CHST3: variants seen among roughly 807,000 people sequenced by gnomAD.
CHST3 encodes the protein C6ST-1.
In CHST3, 20 loss-of-function variants were observed where a neutral mutation model predicts 35.4. The ratio of observed to expected loss-of-function variants is 0.57; its 90% CI spans 0.40 to 0.82. The LOEUF is 0.82. Ranked by LOEUF, CHST3 falls within the 40% of genes least tolerant of loss-of-function variation. CHST3 has a pLI of 0.00. For missense variants in CHST3, 693 were observed against 670.1 expected (o/e 1.03, Z -0.38); for synonymous variants, 334 against 295.9 (o/e 1.13, Z -1.32).
Position 72,005,836 on chromosome 10 carries a change from T to C in CHST3, c.-7T>C. The C allele has an allele frequency of 6.2e-7, 1 of 1,614,186 alleles. No individual in the cohort carries two copies. The highest frequency in any genetic ancestry group is 1.1e-5 in the South Asian group (1 of 91,086). ...CCCGAGGAGCCCCCACGGCCCCACCTTTCCCCATGGAGAAAGGACTCACTT... is the reference window on the plus strand; with the variant it reads ...CCCGAGGAGCCCCCACGGCCCCACCCTTCCCCATGGAGAAAGGACTCACTT... On this transcript the variant is annotated 5_prime_UTR_variant, in exon 2 of 3. Coordinates refer to ENST00000373115, the MANE Select transcript of CHST3 (RefSeq NM_004273.5).
At chr10:71,975,207 A>G (rs1041520749) in intron 1 of CHST3, among the ~76,000 whole-genome samples, 4 of 152,180 alleles carry the variant, frequency 2.6e-5, no homozygotes, top group African/African-American at 7.2e-5. Flanking sequence ...TGTACTAAGC[A>G]TCTTTGAACT....
At chr10:71,974,535 G>T (rs1839726799) in intron 1 of CHST3, among the ~76,000 whole-genome samples, 1 of 152,214 alleles carries the variant, frequency 6.6e-6, no homozygotes, top group South Asian at 2.1e-4. Context: ...TGTGGCAACT[G>T]TGGGTCCCTG....
rs760211272 is a variant in CHST3, at chr10:72,007,230, C to G, written c.199C>G (p.Pro67Ala). 2 of 1,614,218 alleles carry G rather than the reference C, an allele frequency of 1.2e-6. No homozygotes were observed. The highest frequency in any genetic ancestry group is 8.5e-7 in the Non-Finnish European group (1 of 1,180,042). ...QALADANSTDPALILAENASL... is the reference protein window; with the variant it reads ...QALADANSTDAALILAENASL... Reference sequence around the variant, plus strand: ...TCTAGCAGATGCCAACAGCACCGACCCAGCCCTGATCTTAGCTGAGAACGC... The same window carrying G: ...TCTAGCAGATGCCAACAGCACCGACGCAGCCCTGATCTTAGCTGAGAACGC... The change falls in exon 3 of 3, where the codon CCA becomes GCA. Residue 67 changes from proline (P) to alanine (A), a missense_variant. Pro to Ala is a conservative substitution (Grantham distance 27). Transcript: ENST00000373115.
chr10:71,980,878 C>T (rs1839794552), intron 1 of CHST3, among the ~76,000 whole-genome samples: 1 of 152,164 alleles, frequency 6.6e-6, no homozygotes, highest in Non-Finnish European at 1.5e-5. Flanking sequence ...ACACCACCCT[C>T]CTAAAATCCA....
rs147673319 is a variant in CHST3 at position 71,987,505 on chromosome 10, G to A, written c.-107-18231G>A. ...GAGGCGGGCAGATCACTTGAGGTCA[G>A]GAGTTCAAGACCAGCCTGGTCCGCA... On this transcript the variant is annotated intron_variant, in intron 1 of 2. Coordinates refer to ENST00000373115, the MANE Select transcript of CHST3 (RefSeq NM_004273.5). Among the ~76,000 whole-genome samples, 20 of 152,188 alleles carry A rather than the reference G, an allele frequency of 1.3e-4. No individual in the cohort carries two copies. The East Asian group carries it at 3.9e-3, about 29-fold the overall frequency.
chr10:72,008,575 C>T lies in CHST3; in HGVS notation c.*104C>T. Reference sequence around the variant, plus strand: ...GCACAGCGCCATGAGCGGGCAGCGCCTCCTGTAGCAGTAGGGCCCCCAGCC... The same window carrying T: ...GCACAGCGCCATGAGCGGGCAGCGCTTCCTGTAGCAGTAGGGCCCCCAGCC... On this transcript the variant is annotated 3_prime_UTR_variant, in exon 3 of 3. Coordinates refer to ENST00000373115, the MANE Select transcript of CHST3 (RefSeq NM_004273.5). 1 of 1,437,380 alleles carries T rather than the reference C, an allele frequency of 7.0e-7. No homozygotes were observed. The highest frequency in any genetic ancestry group is 9.1e-7 in the Non-Finnish European group (1 of 1,099,300). The allele number at this position is 1,437,380 out of a possible 1,614,324, so 89.0% of individuals were successfully genotyped here.
rs1840108671 is a variant in CHST3 at position 72,011,358 on chromosome 10, G to T, written c.*2887G>T. On this transcript the variant is annotated 3_prime_UTR_variant, in exon 3 of 3. Coordinates refer to ENST00000373115, the MANE Select transcript of CHST3 (RefSeq NM_004273.5). ...GTTTCCTGGAAGTGTATTCCCCTGG[G>T]GCTCAGCGATGCTCTGGGAACCCTT... The T allele has an allele frequency of 6.6e-6, 1 of 152,348 alleles. No individual in the cohort carries two copies. Among genetic ancestry groups the T allele is most frequent in the African/African-American group, 2.4e-5 (1 of 41,450 alleles). The allele number at this position is 152,348 out of a possible 1,614,324, so 9.4% of individuals were successfully genotyped here. A position where few individuals can be genotyped will look rare whatever the true frequency, so the allele number is the denominator to read the frequency against.
intron 1 of CHST3, among the ~76,000 whole-genome samples, chr10:72,002,196 A>T (rs1840000156): frequency 1.3e-5 from 2 of 152,204 alleles, no homozygotes; most frequent in Admixed American, 6.5e-5. Context: ...TTTCCTGTCC[A>T]AGTGTCCAGC....
At chr10:71,977,090 C>G (rs1839752541) in intron 1 of CHST3, among the ~76,000 whole-genome samples, 1 of 152,228 alleles carries the variant, frequency 6.6e-6, no homozygotes, top group South Asian at 2.1e-4. Flanking sequence ...CTGGAAATAG[C>G]ATCGGGCCCC....
chr10:71,964,853 G>A (rs905944714), intron 1 of CHST3, among the ~76,000 whole-genome samples, 159 bp downstream of exon 1: 1 of 152,210 alleles, frequency 6.6e-6, no homozygotes, highest in Admixed American at 6.5e-5. Flanking sequence ...TCGGGGAAAA[G>A]CCCAGGCAGG....
rs534386475 is a variant in CHST3, at chr10:71,967,352, TG to T, written c.-108+2659del. Reference sequence around the variant, plus strand: ...GTCTCCACCCTCAAGTAGGTCCTGGTGTCTGTTGTTCCCTTCTTTGCGTTCA... The same window carrying T: ...GTCTCCACCCTCAAGTAGGTCCTGGTTCTGTTGTTCCCTTCTTTGCGTTCA... On this transcript the variant is annotated intron_variant, in intron 1 of 2. Coordinates refer to ENST00000373115, the MANE Select transcript of CHST3 (RefSeq NM_004273.5). 2.6e-5 allele frequency among the ~76,000 whole-genome samples: 4 copies of T among 152,248 alleles called. No individual in the cohort carries two copies. In the South Asian group the frequency reaches 8.3e-4, roughly 32 times the overall value.
intron 1 of CHST3, among the ~76,000 whole-genome samples, chr10:71,989,447 A>C (rs763469377): frequency 3.3e-4 from 50 of 152,052 alleles, no homozygotes; most frequent in Non-Finnish European, 7.2e-4. Flanking sequence ...ACCCGTCCTC[A>C]AAAAGAAAAA....
intron 1 of CHST3, among the ~76,000 whole-genome samples, chr10:71,970,487 C>T (rs1014431079): frequency 5.3e-5 from 8 of 152,188 alleles, no homozygotes; most frequent in African/African-American, 1.9e-4. Context: ...TACACCTGCC[C>T]CCTCCCCGCC....
intron 1 of CHST3, among the ~76,000 whole-genome samples, chr10:71,987,861 G>C (rs1311036847): frequency 6.6e-6 from 1 of 152,184 alleles, no homozygotes; most frequent in East Asian, 1.9e-4. Flanking sequence ...AAGGAGGATA[G>C]AGCAAGAATT....
rs762277214 is a variant in CHST3, at chr10:72,007,831, A to G, written c.800A>G (p.Lys267Arg). The change falls in exon 3 of 3, where the codon AAG (lysine) becomes AGG (arginine). Residue 267 changes from lysine (K) to arginine (R), a missense_variant. By Grantham distance (26) the Lys-to-Arg change is conservative. Transcript: ENST00000373115. ...CTGGCCGCAGAGGCCTGCCGCCGCAAGGAGCACATGGCCCTCAAGGCGGTG... is the reference window on the plus strand; with the variant it reads ...CTGGCCGCAGAGGCCTGCCGCCGCAGGGAGCACATGGCCCTCAAGGCGGTG... ...VTLAAEACRR[K>R]EHMALKAVRI... The G allele has an allele frequency of 6.2e-7, 1 of 1,605,344 alleles. No individual in the cohort carries two copies. The highest frequency in any genetic ancestry group is 1.7e-5 in the Admixed American group (1 of 59,924).
rs1840076729 is a variant in CHST3 at position 72,008,718 on chromosome 10, G to A, written c.*247G>A. 4.9e-6 allele frequency: 3 copies of A among 607,042 alleles called. No homozygotes were observed. Among genetic ancestry groups the A allele is most frequent in the Middle Eastern group, 4.7e-4 (1 of 2,120 alleles). 37.6% of individuals were successfully genotyped at this position (607,042 alleles called of 1,614,324 possible). On this transcript the variant is annotated 3_prime_UTR_variant, in exon 3 of 3. Transcript: ENST00000373115. ...GGTTGCAGCCTCCTGAGCAGGCCTA[G>A]GCAGGCCCGGGCCTGTTGGCAAGCT...
At chr10:71,969,161 C>T (rs4148909) in intron 1 of CHST3, among the ~76,000 whole-genome samples, 7 of 151,950 alleles carry the variant, frequency 4.6e-5, no homozygotes, top group East Asian at 1.9e-4. Flanking sequence ...GGGGCAGAGC[C>T]GGAGCAGCCA....
chr10:71,978,267 G>A (rs1481626304), intron 1 of CHST3, among the ~76,000 whole-genome samples: 2 of 152,102 alleles, frequency 1.3e-5, no homozygotes. Flanking sequence ...TCGGGAGGCT[G>A]AGGCAGGAGA....
intron 1 of CHST3, among the ~76,000 whole-genome samples, chr10:71,992,246 C>T (rs753821111): frequency 6.6e-6 from 1 of 152,084 alleles, no homozygotes; most frequent in Non-Finnish European, 1.5e-5. Flanking sequence ...TGCAATGCCA[C>T]AATCATGGCT....
Sources: gnomAD v4.1 joint callset for allele counts (sites outside exome capture counted in the v4.1 genomes callset) on GRCh38, gnomAD v4.1.1 for gene constraint, MANE v1.5 for transcripts, NCBI Gene and HGNC (gene_info 2026-07-23, HGNC 2026-07-21) for gene names.